MORC3: variants seen among roughly 807,000 people sequenced by gnomAD.
MORC3 encodes MORC family CW-type zinc finger protein 3.
In MORC3, 31 loss-of-function variants were observed where a neutral mutation model predicts 109.1. The ratio of observed to expected loss-of-function variants is 0.28; its 90% CI spans 0.21 to 0.38. MORC3 has a LOEUF of 0.38. MORC3 is among the 10% of genes least tolerant of loss of function. The pLI, the probability that MORC3 is intolerant of heterozygous loss-of-function variation, is 1.00. For missense variants in MORC3, 867 were observed against 1,135.8 expected (o/e 0.76, Z 3.40); for synonymous variants, 395 against 380.7 (o/e 1.04, Z -0.44).
intron 1 of MORC3, among the ~76,000 whole-genome samples, chr21:36,324,860 A>C (rs1280180087): frequency 6.6e-6 from 1 of 152,054 alleles, no homozygotes; most frequent in African/African-American, 2.4e-5. Context: ...GGCATGCGCC[A>C]CCATGCCTGG....
chr21:36,346,721 A>G (rs2085511202), intron 8 of MORC3, among the ~76,000 whole-genome samples: 1 of 151,710 alleles, frequency 6.6e-6, no homozygotes, highest in South Asian at 2.1e-4. Flanking sequence ...AGGTGGGAGG[A>G]TTGCTTGAGC....
chr21:36,341,595 G>A (rs371508654), intron 6 of MORC3, 49 bp downstream of exon 6: 92 of 1,610,268 alleles, frequency 5.7e-5, no homozygotes, highest in Middle Eastern at 3.3e-4. Context: ...TTGAATGCTG[G>A]TAGTATTAGG....
intron 1 of MORC3, among the ~76,000 whole-genome samples, chr21:36,325,723 G>T (rs182306868): frequency 6.6e-6 from 1 of 152,216 alleles, no homozygotes; most frequent in East Asian, 1.9e-4. Context: ...GTCAACCATG[G>T]TCTGAAAGTA....
At chr21:36,345,796 A>G (rs1450886431) in intron 8 of MORC3, among the ~76,000 whole-genome samples, 3 of 152,050 alleles carry the variant, frequency 2.0e-5, no homozygotes, top group East Asian at 3.9e-4. Context: ...ACCTCAGGTG[A>G]TCCACCCGCC....
At chr21:36,356,562 TATTTATG>T in intron 9 of MORC3, 51 bp from the exon 10 acceptor site, 1 of 1,132,082 alleles carries the variant, frequency 8.8e-7, no homozygotes, top group Non-Finnish European at 1.3e-6. Flanking sequence ...ATTACTAGAT[TATTTATG>T]ATTTATGTTT....
At chr21:36,328,917 AAAAG>A (rs1452594366) in intron 1 of MORC3, among the ~76,000 whole-genome samples, 3 of 151,082 alleles carry the variant, frequency 2.0e-5, no homozygotes, top group Non-Finnish European at 3.0e-5. Context: ...AAAAAAAAAA[AAAAG>A]AAAAAGAAAT....
chr21:36,359,985 T>C lies in MORC3; in HGVS notation c.1239T>C (p.Cys413=). 6.2e-7 allele frequency: 1 copy of C among 1,614,212 alleles called. No homozygotes were observed. Among genetic ancestry groups the C allele is most frequent in the Non-Finnish European group, 8.5e-7 (1 of 1,180,022 alleles). Residue 413 remains cysteine (C), a synonymous_variant, in exon 11 of 17, where the codon TGT becomes TGC. Coordinates refer to ENST00000400485, the MANE Select transcript of MORC3 (RefSeq NM_015358.3). ...GTCCTGATCAGACATGGGTTCAGTG[T>C]GATGCCTGTCTAAAGTGGCGGAAAT... ...QKRPDQTWVQ[C]DACLKWRKLP...
In MORC3 at chr21:36,329,918, A is replaced by G. The variant is rs150673749; in HGVS notation, c.40-3728A>G. Among the ~76,000 whole-genome samples, 262 of 151,502 alleles carry G rather than the reference A, an allele frequency of 1.7e-3. 1 individual carries two copies. The highest frequency in any genetic ancestry group is 3.1e-3 in the Non-Finnish European group (212 of 67,920). On this transcript the variant is annotated intron_variant, in intron 1 of 16. Coordinates refer to ENST00000400485, the MANE Select transcript of MORC3 (RefSeq NM_015358.3). ...GCTCTTGTTGCCCAGATTGGAGTGC[A>G]ATGACCTGATCTCAGCTCACTGTAA...
chr21:36,370,794 C>T (rs981940825), intron 15 of MORC3, among the ~76,000 whole-genome samples: 19 of 151,210 alleles, frequency 1.3e-4, no homozygotes, highest in African/African-American at 4.6e-4. Context: ...CTCAGCGTCC[C>T]GAGTAGCTGA....
chr21:36,365,715 G>GCAC (rs2085773351), intron 14 of MORC3, among the ~76,000 whole-genome samples: 1 of 152,034 alleles, frequency 6.6e-6, no homozygotes, highest in Non-Finnish European at 1.5e-5. Context: ...CGAGTAGCTG[G>GCAC]GGTTACAGGC....
intron 16 of MORC3, 122 bp downstream of exon 16, chr21:36,372,653 G>A: frequency 2.0e-6 from 2 of 981,156 alleles, no homozygotes; most frequent in Non-Finnish European, 2.8e-6. Context: ...ATGGTCTGCT[G>A]TGACCCTGGT....
At chr21:36,374,354 G>T (rs1601546278) in intron 16 of MORC3, among the ~76,000 whole-genome samples, 1 of 152,136 alleles carries the variant, frequency 6.6e-6, no homozygotes, top group Non-Finnish European at 1.5e-5. Flanking sequence ...GCCTCCCAAA[G>T]TGCTGGGATT....
chr21:36,372,579 T>C, intron 16 of MORC3, 48 bp downstream of exon 16: 1 of 1,509,006 alleles, frequency 6.6e-7, no homozygotes, highest in South Asian at 1.4e-5. Context: ...ATGGTTAGGA[T>C]ACTATTTATT....
At chr21:36,372,626 G>C (rs1165380476) in intron 16 of MORC3, 95 bp downstream of exon 16, 1 of 1,258,558 alleles carries the variant, frequency 7.9e-7, no homozygotes. Context: ...ATACTGTTCT[G>C]TCAAAAGAAG....
At chr21:36,332,751 C>G (rs934243663) in intron 1 of MORC3, among the ~76,000 whole-genome samples, 4 of 148,652 alleles carry the variant, frequency 2.7e-5, no homozygotes, top group African/African-American at 9.8e-5. Context: ...GAGGCATCCT[C>G]AGGCCAAGTT....
intron 15 of MORC3, among the ~76,000 whole-genome samples, chr21:36,371,840 C>T (rs1218990329): frequency 1.4e-5 from 2 of 141,814 alleles, no homozygotes; most frequent in African/African-American, 2.8e-5. Flanking sequence ...TGAGATGGAA[C>T]TTCGCTCTTG....
rs1348720477 is a variant in MORC3, at chr21:36,344,440, C to T, written c.757-139C>T. ...ATGAAAAATAACCAAATCAGAATAACATACAGCTTTATAGCCTATTTTATT... is the reference window on the plus strand; with the variant it reads ...ATGAAAAATAACCAAATCAGAATAATATACAGCTTTATAGCCTATTTTATT... On this transcript the variant is annotated intron_variant, in intron 6 of 16. Coordinates refer to ENST00000400485, the MANE Select transcript of MORC3 (RefSeq NM_015358.3). 4 of 1,008,640 alleles carry T rather than the reference C, an allele frequency of 4.0e-6. No individual in the cohort carries two copies. In the African/African-American group the frequency reaches 4.9e-5, roughly 12 times the overall value. The allele number at this position is 1,008,640 out of a possible 1,614,324, so 62.5% of individuals were successfully genotyped here. A position where few individuals can be genotyped will look rare whatever the true frequency, so the allele number is the denominator to read the frequency against.
intron 3 of MORC3, 150 bp from the exon 4 acceptor site, chr21:36,337,582 C>T (rs1601517013): frequency 2.1e-6 from 1 of 486,008 alleles, no homozygotes; most frequent in South Asian, 4.8e-5. Flanking sequence ...CAAGATTATA[C>T]AGCTAGGAAG....
rs924269957 is a variant in MORC3, at chr21:36,375,444, A to G, written c.*148A>G. 23 of 690,220 alleles carry G rather than the reference A, an allele frequency of 3.3e-5. No homozygotes were observed. The African/African-American group carries it at 4.0e-4, about 12-fold the overall frequency. The allele number at this position is 690,220 out of a possible 1,614,324, so 42.8% of individuals were successfully genotyped here. The stretch of plus-strand genomic sequence containing the variant: ...ATTCTATGCATTCAAATGTGGTCAC[A>G]AATATTGTGGACACATTATCTTATG... On this transcript the variant is annotated 3_prime_UTR_variant, in exon 17 of 17. Coordinates refer to ENST00000400485, the MANE Select transcript of MORC3 (RefSeq NM_015358.3).
Sources: allele counts gnomAD v4.1 joint callset (sites outside exome capture counted in the v4.1 genomes callset), GRCh38; gene constraint gnomAD v4.1.1; transcripts MANE v1.5; gene names NCBI Gene and HGNC (gene_info 2026-07-23, HGNC 2026-07-21).